STXBP5L: variants seen among roughly 807,000 people sequenced by gnomAD.
STXBP5L encodes syntaxin binding protein 5L.
In STXBP5L, 65 loss-of-function variants were observed where a neutral mutation model predicts 144.5. The observed-to-expected ratio is 0.45, with a 90% CI of 0.37 to 0.55. The LOEUF (loss-of-function observed/expected upper bound fraction) is 0.55. Ranked by LOEUF, STXBP5L falls within the 20% of genes least tolerant of loss-of-function variation. The pLI, the probability that STXBP5L is intolerant of heterozygous loss-of-function variation, is 0.00. For missense variants in STXBP5L, 1,298 were observed against 1,405.5 expected (o/e 0.92, Z 1.22); for synonymous variants, 505 against 469.6 (o/e 1.08, Z -0.97).
chr3:121,001,750 C>T (rs142347461), intron 3 of STXBP5L, among the ~76,000 whole-genome samples: 34 of 152,302 alleles, frequency 2.2e-4, no homozygotes, highest in African/African-American at 4.8e-4. Flanking sequence ...CTCCCTTCAG[C>T]GCAGATTCTG....
chr3:121,142,948 A>T (rs1373899855), intron 7 of STXBP5L, among the ~76,000 whole-genome samples: 2 of 151,904 alleles, frequency 1.3e-5, no homozygotes, highest in Non-Finnish European at 2.9e-5. Flanking sequence ...ATTTGAAAAG[A>T]TCAACAAAAT....
chr3:121,395,982 T>C (rs2046720606), intron 22 of STXBP5L, among the ~76,000 whole-genome samples: 1 of 152,252 alleles, frequency 6.6e-6, no homozygotes, highest in Non-Finnish European at 1.5e-5. Flanking sequence ...GTCTTGATGG[T>C]ATCCAAATTG....
intron 5 of STXBP5L, among the ~76,000 whole-genome samples, chr3:121,071,333 A>G (rs1382182577): frequency 6.6e-6 from 1 of 152,236 alleles, no homozygotes; most frequent in African/African-American, 2.4e-5. Context: ...GGCTTTGGCC[A>G]TGCATAGACT....
chr3:121,375,485 G>C (rs980853434), intron 20 of STXBP5L, among the ~76,000 whole-genome samples: 1 of 152,046 alleles, frequency 6.6e-6, no homozygotes, highest in African/African-American at 2.4e-5. Context: ...TGATTATTAC[G>C]TATGTGATAT....
chr3:121,184,016 G>A (rs770228100), intron 9 of STXBP5L, among the ~76,000 whole-genome samples: 13 of 151,708 alleles, frequency 8.6e-5, no homozygotes, highest in Admixed American at 2.6e-4. Context: ...GAATAGCATC[G>A]ACACCAACAA....
chr3:121,337,441 A>AAC (rs2044548031), intron 20 of STXBP5L, among the ~76,000 whole-genome samples: 1 of 142,214 alleles, frequency 7.0e-6, no homozygotes, highest in Non-Finnish European at 1.5e-5. Context: ...AACAACAGTA[A>AAC]AAAAAAAAAA....
At chr3:121,179,638 A>G (rs1029382337) in intron 9 of STXBP5L, among the ~76,000 whole-genome samples, 27 of 152,200 alleles carry the variant, frequency 1.8e-4, no homozygotes, top group African/African-American at 5.8e-4. Context: ...GAGCTACTCA[A>G]GGAAATACCA....
intron 5 of STXBP5L, among the ~76,000 whole-genome samples, chr3:121,077,243 TC>T (rs1039882670): frequency 6.6e-6 from 1 of 152,128 alleles, no homozygotes; most frequent in African/African-American, 2.4e-5. Context: ...CCCGGATGGG[TC>T]CCCAGAAATG....
intron 20 of STXBP5L, among the ~76,000 whole-genome samples, chr3:121,361,670 T>C (rs1435971906): frequency 6.6e-6 from 1 of 152,062 alleles, no homozygotes; most frequent in Admixed American, 6.6e-5. Flanking sequence ...TAAATTTATC[T>C]GATAGAATTC....
chr3:121,292,222 A>G (rs1201435843), intron 19 of STXBP5L, among the ~76,000 whole-genome samples: 13 of 152,214 alleles, frequency 8.5e-5, no homozygotes, highest in Admixed American at 8.5e-4. Flanking sequence ...ATCCCATCAA[A>G]AAGTGAGTTA....
At chr3:121,417,855 T>C (rs2047275909) in intron 25 of STXBP5L, among the ~76,000 whole-genome samples, 1 of 152,132 alleles carries the variant, frequency 6.6e-6, no homozygotes, top group Non-Finnish European at 1.5e-5. Flanking sequence ...CATTCATATA[T>C]TCATATACCC....
intron 12 of STXBP5L, among the ~76,000 whole-genome samples, chr3:121,237,508 C>T (rs192308586): frequency 6.6e-6 from 1 of 152,294 alleles, no homozygotes; most frequent in East Asian, 1.9e-4. Flanking sequence ...TGTCCATTGT[C>T]TTGACTATTA....
chr3:121,407,283 C>T lies in STXBP5L; in HGVS notation c.2628C>T (p.Ser876=). The T allele has an allele frequency of 3.7e-6, 6 of 1,605,058 alleles. No homozygotes were observed. Among genetic ancestry groups the T allele is most frequent in the Non-Finnish European group, 5.1e-6 (6 of 1,175,944 alleles). Residue 876 remains serine (S), a synonymous_variant, in exon 23 of 27, where the codon TCC becomes TCT. Coordinates refer to ENST00000471454, the MANE Select transcript of STXBP5L (RefSeq NM_001308330.2). The stretch of plus-strand genomic sequence containing the variant: ...TGAAAGGAGCTGTGCTAACATTCTC[C>T]TGTATGGACCGAATGGGTGGATTAA... ...LSLKGAVLTF[S]CMDRMGGLMQ...
intron 5 of STXBP5L, among the ~76,000 whole-genome samples, chr3:121,097,641 C>A (rs1576946733): frequency 1.3e-5 from 2 of 152,282 alleles, no homozygotes; most frequent in Middle Eastern, 3.4e-3. Context: ...CCGTGAGCTG[C>A]ACCCACCATC....
chr3:121,037,892 T>TTTCTGGGAA (rs1476462663), intron 3 of STXBP5L, among the ~76,000 whole-genome samples: 4 of 152,086 alleles, frequency 2.6e-5, no homozygotes, highest in African/African-American at 9.7e-5. Context: ...AATTTATGTC[T>TTTCTGGGAA]TTCTGGGAAT....
At chr3:120,921,348 T>C (rs1243951831) in intron 2 of STXBP5L, among the ~76,000 whole-genome samples, 3 of 152,046 alleles carry the variant, frequency 2.0e-5, no homozygotes, top group Non-Finnish European at 4.4e-5. Flanking sequence ...ATTGAGTTGT[T>C]TGAGCTTATT....
At chr3:121,313,385 CG>C (rs1192187383) in intron 19 of STXBP5L, among the ~76,000 whole-genome samples, 1 of 123,622 alleles carries the variant, frequency 8.1e-6, no homozygotes, top group Non-Finnish European at 1.7e-5. Context: ...GCTGGCCGGG[CG>C]GGGGGCTGAC....
At chr3:121,330,952 C>T (rs2044302858) in intron 20 of STXBP5L, among the ~76,000 whole-genome samples, 1 of 152,220 alleles carries the variant, frequency 6.6e-6, no homozygotes, top group African/African-American at 2.4e-5. Flanking sequence ...ATACCTGCTG[C>T]TGGGAGACTT....
chr3:121,259,914 A>G (rs896701192), intron 18 of STXBP5L, among the ~76,000 whole-genome samples: 1 of 151,948 alleles, frequency 6.6e-6, no homozygotes, highest in African/African-American at 2.4e-5. Context: ...TTAAAAAACT[A>G]TTGAAGGGTC....
Sources: allele counts gnomAD v4.1 joint callset (sites outside exome capture counted in the v4.1 genomes callset), GRCh38; gene constraint gnomAD v4.1.1; transcripts MANE v1.5; gene names NCBI Gene and HGNC (gene_info 2026-07-23, HGNC 2026-07-21).